The following GMPS variants were observed in gnomAD, a reference collection of about 807,000 sequenced individuals.
GMPS encodes the protein guanosine monophosphate synthase.
In GMPS, 15 loss-of-function variants were observed where a neutral mutation model predicts 77.9. The observed-to-expected ratio is 0.19, with a 90% CI of 0.13 to 0.30. GMPS has a LOEUF of 0.30. Ranked by LOEUF, GMPS falls within the 10% of genes least tolerant of loss-of-function variation. The pLI, the probability that GMPS is intolerant of heterozygous loss-of-function variation, is 1.00. For missense variants in GMPS, 590 were observed against 838.8 expected (o/e 0.70, Z 3.66); for synonymous variants, 224 against 275.9 (o/e 0.81, Z 1.86).
chr3:155,908,110 A>G (rs1445706965), intron 5 of GMPS, among the ~76,000 whole-genome samples: 1 of 152,256 alleles, frequency 6.6e-6, no homozygotes, highest in African/African-American at 2.4e-5. Flanking sequence ...ACAGGGTGAA[A>G]GAGAAGCAAG....
intron 10 of GMPS, among the ~76,000 whole-genome samples, chr3:155,921,069 C>T (rs910996686): frequency 6.6e-6 from 1 of 152,030 alleles, no homozygotes; most frequent in African/African-American, 2.4e-5. Context: ...CGGTGAAACC[C>T]GATCTCTACT....
intron 11 of GMPS, among the ~76,000 whole-genome samples, chr3:155,924,598 A>G (rs1386579161): frequency 6.6e-6 from 1 of 152,204 alleles, no homozygotes. Flanking sequence ...GCTGGGAGAA[A>G]TCACCAGTTC....
intron 1 of GMPS, among the ~76,000 whole-genome samples, chr3:155,876,871 C>T (rs62286796): frequency 0.055 from 8,314 of 152,240 alleles, 317 homozygotes; most frequent in East Asian, 0.18. Context: ...GAGCCAGCAG[C>T]ACTGAACCTG....
rs1006793396 is a variant in GMPS at position 155,941,579 on chromosome 3, T to A, written c.*3887T>A. ...TAACCACTTTCCCACACTACTCCCC[T>A]CCAGAAATCTCATTGATATGTGGCG... On this transcript the variant is annotated 3_prime_UTR_variant, in exon 16 of 16. Coordinates refer to ENST00000496455, the MANE Select transcript of GMPS (RefSeq NM_003875.3). The A allele has an allele frequency of 9.1e-6, 2 of 220,796 alleles. No homozygotes were observed. Among genetic ancestry groups the A allele is most frequent in the Non-Finnish European group, 1.8e-5 (2 of 110,324 alleles). 13.7% of individuals were successfully genotyped at this position (220,796 alleles called of 1,614,324 possible). A position where few individuals can be genotyped will look rare whatever the true frequency, so the allele number is the denominator to read the frequency against.
At chr3:155,918,843 T>C (rs909402238) in intron 9 of GMPS, among the ~76,000 whole-genome samples, 1 of 152,204 alleles carries the variant, frequency 6.6e-6, no homozygotes, top group Non-Finnish European at 1.5e-5. Flanking sequence ...GATATACGAC[T>C]TGCAAATGTC....
At chr3:155,917,392 C>G (rs1021184212) in intron 9 of GMPS, among the ~76,000 whole-genome samples, 4 of 152,152 alleles carry the variant, frequency 2.6e-5, no homozygotes, top group Non-Finnish European at 5.9e-5. Flanking sequence ...TAAAAAACAA[C>G]TCTCCCTTTT....
At chr3:155,901,395 C>T (rs545995041) in intron 3 of GMPS, among the ~76,000 whole-genome samples, 1 of 152,196 alleles carries the variant, frequency 6.6e-6, no homozygotes, top group Non-Finnish European at 1.5e-5. Flanking sequence ...GTTACTTTTA[C>T]ATTCCAGTGT....
chr3:155,916,913 CTTG>C (rs1755194483), intron 9 of GMPS, among the ~76,000 whole-genome samples: 1 of 151,944 alleles, frequency 6.6e-6, no homozygotes, highest in South Asian at 2.1e-4. Flanking sequence ...CTCACCAAGA[CTTG>C]TTGTTATCTC....
In GMPS at chr3:155,941,592, T is replaced by C. The variant is rs767933934; in HGVS notation, c.*3900T>C. Reference sequence around the variant, plus strand: ...ACACTACTCCCCTCCAGAAATCTCATTGATATGTGGCGAGGACACGCCTTA... The same window carrying C: ...ACACTACTCCCCTCCAGAAATCTCACTGATATGTGGCGAGGACACGCCTTA... On this transcript the variant is annotated 3_prime_UTR_variant, in exon 16 of 16. Transcript: ENST00000496455. 4 of 220,996 alleles carry C rather than the reference T, an allele frequency of 1.8e-5. No homozygotes were observed. The highest frequency in any genetic ancestry group is 1.3e-4 in the East Asian group (2 of 15,204). The allele number at this position is 220,996 out of a possible 1,614,324, so 13.7% of individuals were successfully genotyped here.
At chr3:155,888,581 C>G (rs1754392794) in intron 1 of GMPS, among the ~76,000 whole-genome samples, 1 of 151,358 alleles carries the variant, frequency 6.6e-6, no homozygotes, top group Non-Finnish European at 1.5e-5. Flanking sequence ...GCACCCACTC[C>G]CAGCTAATTT....
At chr3:155,878,217 A>T (rs570856702) in intron 1 of GMPS, among the ~76,000 whole-genome samples, 1 of 152,196 alleles carries the variant, frequency 6.6e-6, no homozygotes, top group Non-Finnish European at 1.5e-5. Flanking sequence ...GGACACAAAC[A>T]TTCAGACCGT....
chr3:155,885,202 A>G (rs1754308767), intron 1 of GMPS, among the ~76,000 whole-genome samples: 1 of 152,244 alleles, frequency 6.6e-6, no homozygotes, highest in African/African-American at 2.4e-5. Flanking sequence ...AGCTGACATA[A>G]CATATGTCAG....
rs1755032234 is a variant in GMPS, at chr3:155,911,292, C to T, written c.886+13C>T. 1 of 1,562,886 alleles carries T rather than the reference C, an allele frequency of 6.4e-7. No homozygotes were observed. The highest frequency in any genetic ancestry group is 8.7e-7 in the Non-Finnish European group (1 of 1,151,106). On this transcript the variant is annotated intron_variant, in intron 7 of 15. Transcript: ENST00000496455. ...ATTCAGGTCAAAGGTATTGAAGAAC[C>T]TCAGAAAAGTTAACTTACATGTTAG... is the stretch of plus-strand genomic sequence containing the variant.
At chr3:155,893,816 T>A in intron 2 of GMPS, 117 bp downstream of exon 2, 1 of 592,254 alleles carries the variant, frequency 1.7e-6, no homozygotes, top group Non-Finnish European at 2.8e-6. Flanking sequence ...AATGGTTTTA[T>A]GAGAAATTTC....
intron 1 of GMPS, among the ~76,000 whole-genome samples, chr3:155,887,860 T>C (rs551331544): frequency 2.0e-5 from 3 of 152,330 alleles, no homozygotes; most frequent in South Asian, 4.1e-4. Context: ...ATCATTGATA[T>C]AGATGAAGAG....
intron 13 of GMPS, among the ~76,000 whole-genome samples, chr3:155,933,632 T>C (rs536948248): frequency 6.6e-6 from 1 of 152,330 alleles, no homozygotes; most frequent in Admixed American, 6.5e-5. Context: ...TGGTTTTCTA[T>C]TGTGTATTTT....
chr3:155,921,826 A>C (rs1236864740), intron 10 of GMPS, among the ~76,000 whole-genome samples: 1 of 152,166 alleles, frequency 6.6e-6, no homozygotes, highest in Non-Finnish European at 1.5e-5. Context: ...TAGGGAGAGA[A>C]TTAAACATAC....
In GMPS at chr3:155,916,123, A is replaced by T. The variant is rs555790035; in HGVS notation, c.1143A>T (p.Ala381=). 8.7e-6 allele frequency: 14 copies of T among 1,613,540 alleles called. No homozygotes were observed. In the African/African-American group the frequency reaches 1.9e-4, roughly 22 times the overall value. ...TAATTGAAAGTGCATCCCTTGTTGC[A>T]AGTGGCAAAGCTGAACTCATCAAAA... ...PDLIESASLV[A]SGKAELIKTH... The change falls in exon 9 of 16, where the codon GCA becomes GCT. Residue 381 remains alanine, a synonymous_variant. Coordinates refer to ENST00000496455, the MANE Select transcript of GMPS (RefSeq NM_003875.3).
intron 15 of GMPS, among the ~76,000 whole-genome samples, chr3:155,936,996 C>CT (rs1314051959): frequency 6.6e-6 from 1 of 152,212 alleles, no homozygotes. Context: ...AAGTGAGACT[C>CT]TATTAGTTGG....
Sources: gnomAD v4.1 joint callset for allele counts (sites outside exome capture counted in the v4.1 genomes callset) on GRCh38, gnomAD v4.1.1 for gene constraint, MANE v1.5 for transcripts, NCBI Gene and HGNC (gene_info 2026-07-23, HGNC 2026-07-21) for gene names.